MARS1: variants seen among roughly 807,000 people sequenced by gnomAD.
MARS1 encodes the protein methionine--tRNA ligase, cytoplasmic.
In MARS1, 80 loss-of-function variants were observed where a neutral mutation model predicts 119.5. That is an observed-to-expected ratio of 0.67 (90% CI 0.56 to 0.81). The LOEUF (loss-of-function observed/expected upper bound fraction) is 0.81. MARS1 is among the 30% of genes least tolerant of loss of function. The pLI, the probability that MARS1 is intolerant of heterozygous loss-of-function variation, is 0.00. For missense variants in MARS1, 945 were observed against 1,116.5 expected (o/e 0.85, Z 2.19); for synonymous variants, 418 against 433.4 (o/e 0.96, Z 0.44).
At chr12:57,490,736 A>C (rs1277830864) in intron 7 of MARS1, 92 bp downstream of exon 7, 2 of 786,620 alleles carry the variant, frequency 2.5e-6, no homozygotes, top group African/African-American at 1.9e-5. Flanking sequence ...CCGTTTGCTG[A>C]TCTCTCTTTA....
chr12:57,506,228 C>T (rs1428707078), intron 11 of MARS1, among the ~76,000 whole-genome samples: 1 of 152,068 alleles, frequency 6.6e-6, no homozygotes, highest in Non-Finnish European at 1.5e-5. Context: ...CATTGCACTG[C>T]AGCTTGGGTG....
At chr12:57,512,170 G>C (rs765353286) in intron 13 of MARS1, 66 bp from the exon 14 acceptor site, 4 of 1,598,964 alleles carry the variant, frequency 2.5e-6, no homozygotes, top group Non-Finnish European at 3.4e-6. Flanking sequence ...TTAGGGTTGG[G>C]TGTCTGGTCT....
chr12:57,492,669 TCAC>T (rs1189658656), intron 7 of MARS1, among the ~76,000 whole-genome samples: 1 of 139,446 alleles, frequency 7.2e-6, no homozygotes, highest in African/African-American at 2.7e-5. Flanking sequence ...CGACTCCATT[TCAC>T]ACACACACAC....
At chr12:57,493,487 A>G (rs56032642) in intron 7 of MARS1, among the ~76,000 whole-genome samples, 11,107 of 17,002 alleles carry the variant, frequency 0.65, 5,477 homozygotes, top group South Asian at 0.78. Context: ...TATATAATAT[A>G]TAATATATTA....
Position 57,500,409 on chromosome 12 carries a change from C to T in MARS1, c.1180C>T (p.Arg394Cys), listed in dbSNP as rs916967743. The T allele has an allele frequency of 6.0e-5, 97 of 1,613,942 alleles. No individual in the cohort carries two copies. Among genetic ancestry groups the T allele is most frequent in the South Asian group, 7.7e-5 (7 of 91,066 alleles). Residue 394 changes from arginine (R) to cysteine (C), a missense_variant, in exon 10 of 21, where the codon CGC becomes TGC. Coordinates refer to ENST00000262027, the MANE Select transcript of MARS1 (RefSeq NM_004990.4). ...VEQLRCEHCA[R>C]FLADRFVEGV... ...GCAACTGCGATGTGAGCACTGTGCT[C>T]GCTTCCTGGCTGACCGCTTCGTGGA...
At chr12:57,500,634 T>G in intron 10 of MARS1, 112 bp downstream of exon 10, 1 of 953,678 alleles carries the variant, frequency 1.0e-6, no homozygotes, top group Non-Finnish European at 1.6e-6. Context: ...CTTTAACCAG[T>G]GGCCCTTTCT....
rs373439522 is a variant in MARS1 at position 57,516,491 on chromosome 12, G to A, written c.2613G>A (p.Ala871=). ...AGGCAGACAAGAACGAGGTTGCTGC[G>A]GAGGTGGCGAAACTCTTGGATCTAA... The part of the protein sequence containing the change: ...AQKADKNEVA[A]EVAKLLDLKK... Residue 871 remains alanine, a synonymous_variant, in exon 21 of 21, where the codon GCG becomes GCA. Transcript: ENST00000262027. 7.6e-5 allele frequency: 123 copies of A among 1,613,774 alleles called. No homozygotes were observed. The highest frequency in any genetic ancestry group is 9.3e-5 in the Non-Finnish European group (110 of 1,179,968).
intron 4 of MARS1, 153 bp from the exon 5 acceptor site, chr12:57,489,743 C>A: frequency 1.9e-6 from 2 of 1,056,186 alleles, no homozygotes; most frequent in South Asian, 1.4e-5. Flanking sequence ...TAGTACCTAT[C>A]TCAGTGAGTT....
chr12:57,509,810 C>T (rs1226020070), intron 11 of MARS1, among the ~76,000 whole-genome samples: 4 of 152,178 alleles, frequency 2.6e-5, no homozygotes, highest in African/African-American at 4.8e-5. Flanking sequence ...TCTCTATCTA[C>T]CTTCTTCCAC....
chr12:57,500,191 C>T (rs1363487492), intron 9 of MARS1, 130 bp from the exon 10 acceptor site: 2 of 748,912 alleles, frequency 2.7e-6, no homozygotes, highest in Non-Finnish European at 4.8e-6. Flanking sequence ...GAATAGATGC[C>T]CTTTTCCTTG....
rs776293715 is a variant in MARS1 at position 57,488,099 on chromosome 12, G to C, written c.9G>C (p.Leu3=). 3 of 1,614,052 alleles carry C rather than the reference G, an allele frequency of 1.9e-6. No individual in the cohort carries two copies. The highest frequency in any genetic ancestry group is 2.5e-6 in the Non-Finnish European group (3 of 1,180,002). The part of the protein sequence containing the change: MR[L]FVSDGVPGCL... ...GAGGGATTCACGGCGAAATGAGACTGTTCGTGAGTGATGGCGTCCCGGGTT... is the reference window on the plus strand; with the variant it reads ...GAGGGATTCACGGCGAAATGAGACTCTTCGTGAGTGATGGCGTCCCGGGTT... The change falls in exon 1 of 21, where the codon CTG becomes CTC. Residue 3 remains leucine, a synonymous_variant. Coordinates refer to ENST00000262027, the MANE Select transcript of MARS1 (RefSeq NM_004990.4).
At chr12:57,504,130 A>G (rs566953195) in intron 10 of MARS1, 95 bp from the exon 11 acceptor site, 2 of 819,584 alleles carry the variant, frequency 2.4e-6, no homozygotes, top group East Asian at 2.4e-5. Context: ...ACTAGATGGC[A>G]GACTGAGGAG....
intron 7 of MARS1, among the ~76,000 whole-genome samples, chr12:57,492,892 G>A (rs1388277344): frequency 1.3e-5 from 2 of 152,066 alleles, no homozygotes; most frequent in Non-Finnish European, 2.9e-5. Context: ...TCAGTCGGGG[G>A]CACATGGGTC....
intron 10 of MARS1, among the ~76,000 whole-genome samples, chr12:57,501,987 T>C (rs1876939277): frequency 6.6e-6 from 1 of 151,616 alleles, no homozygotes; most frequent in Non-Finnish European, 1.5e-5. Context: ...AGCAAGACTG[T>C]TCCCCCTCCA....
Position 57,512,869 on chromosome 12 carries a change from T to G in MARS1, c.1872T>G (p.Ile624Met), listed in dbSNP as rs1168760968. 5.6e-6 allele frequency: 9 copies of G among 1,614,244 alleles called. No individual in the cohort carries two copies. Among genetic ancestry groups the G allele is most frequent in the Non-Finnish European group, 7.6e-6 (9 of 1,180,052 alleles). ...TCTGGCGCTTCTATCTGCTGTACAT[T>G]CGGCCTGAGGGCCAGGACAGTGCTT... ...ADIWRFYLLY[I>M]RPEGQDSAFS... The change falls in exon 15 of 21, where the codon ATT becomes ATG. Residue 624 changes from isoleucine (I) to methionine (M), a missense_variant. Ile to Met is a conservative substitution (Grantham distance 10). Transcript: ENST00000262027.
At chr12:57,491,178 C>G (rs1875935126) in intron 7 of MARS1, among the ~76,000 whole-genome samples, 1 of 151,978 alleles carries the variant, frequency 6.6e-6, no homozygotes, top group Non-Finnish European at 1.5e-5. Context: ...GGCCCTGCAC[C>G]CATGTTTTTC....
rs370559405 is a variant in MARS1 at position 57,500,439 on chromosome 12, G to A, written c.1210G>A (p.Val404Met). 2.5e-5 allele frequency: 41 copies of A among 1,614,074 alleles called. No individual in the cohort carries two copies. Among genetic ancestry groups the A allele is most frequent in the Middle Eastern group, 3.3e-4 (2 of 6,084 alleles). ...CCTGGCTGACCGCTTCGTGGAGGGC[G>A]TGTGTCCCTTCTGTGGCTATGAGGA... Reference protein sequence around the residue: ...RFLADRFVEGVCPFCGYEEAR... With the variant: ...RFLADRFVEGMCPFCGYEEAR... Residue 404 changes from valine to methionine, a missense_variant, in exon 10 of 21, where the codon GTG becomes ATG. By Grantham distance (21) the Val-to-Met change is conservative. Transcript: ENST00000262027.
Position 57,512,067 on chromosome 12 carries a change from AGACCAGTGG to A in MARS1, c.1602_1610del (p.Asp534_Trp536del). The A allele has an allele frequency of 6.2e-7, 1 of 1,614,152 alleles. No individual in the cohort carries two copies. The highest frequency in any genetic ancestry group is 8.5e-7 in the Non-Finnish European group (1 of 1,180,020). Reference sequence around the variant, plus strand: ...ATCTGTCCATCACAGCCAACTACACAGACCAGTGGGAGAGATGGTGGAAGAACCCAGAGC... The same window carrying A: ...ATCTGTCCATCACAGCCAACTACACAGAGAGATGGTGGAAGAACCCAGAGC... On this transcript the variant is annotated inframe_deletion, in exon 13 of 21. Transcript: ENST00000262027.
chr12:57,516,540 G>GTTCC lies in MARS1; in HGVS notation c.2662_2663insTTCC (p.Gly888ValfsTer6), dbSNP rs1312959451. 1.2e-6 allele frequency: 2 copies of GTTCC among 1,607,922 alleles called. No homozygotes were observed. Among genetic ancestry groups the GTTCC allele is most frequent in the South Asian group, 2.2e-5 (2 of 89,680 alleles). On this transcript the variant is annotated frameshift_variant, in exon 21 of 21. Transcript: ENST00000262027. LOFTEE classifies it high-confidence loss of function. ...AAAGAAACAGTTGGCTGTAGCTGAG[G>GTTCC]GGAAACCCCCTGAAGCCCCTAAAGG... is the stretch of plus-strand genomic sequence containing the variant.
Sources: allele counts gnomAD v4.1 joint callset (sites outside exome capture counted in the v4.1 genomes callset), GRCh38; gene constraint gnomAD v4.1.1; transcripts MANE v1.5; gene names NCBI Gene and HGNC (gene_info 2026-07-23, HGNC 2026-07-21).